Variants in NLGN4X observed in about 807,000 individuals in gnomAD.
The protein encoded by NLGN4X is neuroligin 4 X-linked.
A neutral mutation model predicts 40.3 loss-of-function variants in NLGN4X; 3 were observed. The ratio of observed to expected loss-of-function variants is 0.07; its 90% CI spans 0.03 to 0.19. NLGN4X has a LOEUF of 0.19. NLGN4X is among the 10% of genes least tolerant of loss of function. The pLI is 1.00. For synonymous variants in NLGN4X, 270 were observed against 306.8 expected (o/e 0.88, Z 1.25); for missense variants, 382 against 708.3 (o/e 0.54, Z 5.23).
In NLGN4X at chrX:5,986,722, C is replaced by T. The variant is rs148409651; in HGVS notation, c.625+42558G>A. The stretch of plus-strand genomic sequence containing the variant: ...AGTAGAAAAACAGATCAAAAACAGA[C>T]GCTTCACCAAACAGGACATATGAAT... On this transcript the variant is annotated intron_variant, in intron 3 of 5. Coordinates refer to ENST00000381095, the MANE Select transcript of NLGN4X (RefSeq NM_181332.3). 4.4e-3 allele frequency among the ~76,000 whole-genome samples: 487 copies of T among 111,763 alleles called. 2 individuals carry two copies. Among genetic ancestry groups the T allele is most frequent in the African/African-American group, 0.015 (463 of 30,868 alleles).
chrX:5,989,087 AAAAAAT>A (rs1267840166), intron 3 of NLGN4X, among the ~76,000 whole-genome samples: 2 of 91,828 alleles, frequency 2.2e-5, no homozygotes, highest in Non-Finnish European at 4.4e-5. Context: ...AAAAAAATAA[AAAAAAT>A]AAAAAAAAAA....
chrX:6,120,758 T>C lies in NLGN4X; in HGVS notation c.472+30237A>G, dbSNP rs191026228. ...AGCTTGTTAATCAGATTGTGTAGCATAGATCACATTCTGAAGGGAAAACAG... is the reference window on the plus strand; with the variant it reads ...AGCTTGTTAATCAGATTGTGTAGCACAGATCACATTCTGAAGGGAAAACAG... On this transcript the variant is annotated intron_variant, in intron 2 of 5. Coordinates refer to ENST00000381095, the MANE Select transcript of NLGN4X (RefSeq NM_181332.3). Among the ~76,000 whole-genome samples, 11 of 112,063 alleles carry C rather than the reference T, an allele frequency of 9.8e-5. No homozygotes were observed. The East Asian group carries it at 1.7e-3, about 17-fold the overall frequency.
At chrX:6,140,832 C>T (rs1376965603) in intron 2 of NLGN4X, among the ~76,000 whole-genome samples, 1 of 109,864 alleles carries the variant, frequency 9.1e-6, no homozygotes, top group Non-Finnish European at 1.9e-5. Flanking sequence ...CCCACCTAGA[C>T]CTCCCCAAGT....
chrX:5,969,392 A>C (rs1159524263), intron 3 of NLGN4X, among the ~76,000 whole-genome samples: 3 of 112,003 alleles, frequency 2.7e-5, no homozygotes, highest in African/African-American at 9.7e-5. Flanking sequence ...TCAAAAGAAG[A>C]CATTTATGCA....
intron 2 of NLGN4X, among the ~76,000 whole-genome samples, chrX:6,071,631 T>A (rs189700141): frequency 8.9e-6 from 1 of 111,760 alleles, no homozygotes; most frequent in African/African-American, 3.2e-5. Flanking sequence ...TTCTTATGTA[T>A]CAAGGGCTCA....
At chrX:5,946,759 T>C (rs956133042) in intron 3 of NLGN4X, among the ~76,000 whole-genome samples, 2 of 111,156 alleles carry the variant, frequency 1.8e-5, no homozygotes, top group Non-Finnish European at 3.8e-5. Context: ...GGGTTTGTTG[T>C]ACAGATTATT....
At chrX:6,215,595 G>A (rs1285042461) in intron 1 of NLGN4X, among the ~76,000 whole-genome samples, 1 of 109,761 alleles carries the variant, frequency 9.1e-6, no homozygotes, top group African/African-American at 3.3e-5. Flanking sequence ...AACTCTCTGT[G>A]ACTCAATTTC....
intron 1 of NLGN4X, among the ~76,000 whole-genome samples, chrX:6,154,071 A>G (rs1001708333): frequency 3.6e-5 from 4 of 112,101 alleles, no homozygotes; most frequent in South Asian, 3.7e-4. Context: ...TGTGAACCAT[A>G]TAATTCTTTG....
chrX:6,138,740 T>C lies in NLGN4X; in HGVS notation c.472+12255A>G, dbSNP rs59447447. Among the ~76,000 whole-genome samples the C allele has an allele frequency of 9.3e-3, 1,022 of 110,393 alleles. 8 individuals carry two copies. Among genetic ancestry groups the C allele is most frequent in the African/African-American group, 0.032 (982 of 30,629 alleles). ...AAGGTTAATGAACGGGAAAATACTG[T>C]ATGGTGAAAGAGTTTTGGTGAAATG... On this transcript the variant is annotated intron_variant, in intron 2 of 5. Coordinates refer to ENST00000381095, the MANE Select transcript of NLGN4X (RefSeq NM_181332.3).
At chrX:6,218,686 G>A (rs1925320542) in intron 1 of NLGN4X, among the ~76,000 whole-genome samples, 1 of 111,972 alleles carries the variant, frequency 8.9e-6, no homozygotes, top group African/African-American at 3.2e-5. Context: ...AAACCAACAA[G>A]TTCATATCTC....
chrX:6,214,235 C>G (rs1179949780), intron 1 of NLGN4X, among the ~76,000 whole-genome samples: 1 of 111,693 alleles, frequency 9.0e-6, no homozygotes, highest in Non-Finnish European at 1.9e-5. Flanking sequence ...TCTGCAAGTC[C>G]TTATTCTGCC....
chrX:6,050,924 G>C (rs951254550), intron 2 of NLGN4X, among the ~76,000 whole-genome samples: 1 of 111,686 alleles, frequency 9.0e-6, no homozygotes, highest in African/African-American at 3.3e-5. Flanking sequence ...ATCTGAATTA[G>C]GAGTTAAGGA....
intron 1 of NLGN4X, among the ~76,000 whole-genome samples, chrX:6,175,626 C>G (rs984320268): frequency 1.1e-5 from 1 of 88,422 alleles, no homozygotes; most frequent in Non-Finnish European, 2.1e-5. Context: ...GTTTTTCAAC[C>G]CCTTCAAGTT....
chrX:6,032,812 C>A (rs2036905387), intron 2 of NLGN4X: 3 of 728,709 alleles, frequency 4.1e-6, no homozygotes, highest in Admixed American at 3.6e-5. Flanking sequence ...AACAGGTTTT[C>A]AAAAAATTCA....
At chrX:5,918,945 T>C (rs2032920091) in intron 3 of NLGN4X, among the ~76,000 whole-genome samples, 1 of 112,362 alleles carries the variant, frequency 8.9e-6, no homozygotes, top group South Asian at 3.7e-4. Context: ...TATACTGAAG[T>C]TTATTGTTAG....
chrX:5,903,899 A>C, intron 4 of NLGN4X, 33 bp from the exon 5 acceptor site: 1 of 1,205,399 alleles, frequency 8.3e-7, no homozygotes, highest in East Asian at 3.0e-5. Flanking sequence ...ATGCAAATGA[A>C]AACCCACAGG....
intron 1 of NLGN4X, among the ~76,000 whole-genome samples, chrX:6,227,521 C>A (rs1454608908): frequency 2.7e-5 from 3 of 110,070 alleles, no homozygotes; most frequent in Non-Finnish European, 5.7e-5. Flanking sequence ...CCCCGCGCCC[C>A]CCTCAAAGGT....
intron 2 of NLGN4X, among the ~76,000 whole-genome samples, chrX:6,060,814 A>G (rs2037750181): frequency 8.9e-6 from 1 of 111,950 alleles, no homozygotes. Flanking sequence ...GCTGACTCTC[A>G]CCCATCAAAC....
At chrX:6,092,709 G>C (rs1306643351) in intron 2 of NLGN4X, among the ~76,000 whole-genome samples, 3 of 111,873 alleles carry the variant, frequency 2.7e-5, no homozygotes, top group Non-Finnish European at 3.8e-5. Flanking sequence ...GGACAAGGAA[G>C]ATTTGAAAAA....
Sources: allele counts gnomAD v4.1 joint callset (sites outside exome capture counted in the v4.1 genomes callset), GRCh38; gene constraint gnomAD v4.1.1; transcripts MANE v1.5; gene names NCBI Gene and HGNC (gene_info 2026-07-23, HGNC 2026-07-21).